Variants in NCOA1 observed in about 807,000 individuals in gnomAD.
NCOA1 encodes the protein Hin-2 protein.
In NCOA1, 35 loss-of-function variants were observed where a neutral mutation model predicts 150.9. The observed-to-expected ratio is 0.23, with a 90% CI of 0.18 to 0.31. The LOEUF is 0.31. NCOA1 is among the 10% of genes least tolerant of loss of function. The probability of loss-of-function intolerance (pLI) is 1.00; values close to 1 mark genes in which losing one functional copy is unlikely to be tolerated. For synonymous variants in NCOA1, 590 were observed against 630.0 expected (o/e 0.94, Z 0.95); for missense variants, 1,491 against 1,749.3 (o/e 0.85, Z 2.63).
At chr2:24,655,830 T>C (rs950320502) in intron 4 of NCOA1, among the ~76,000 whole-genome samples, 5 of 152,166 alleles carry the variant, frequency 3.3e-5, no homozygotes, top group African/African-American at 1.2e-4. Context: ...GGCTCACGCC[T>C]GTAATCCCAG....
intron 4 of NCOA1, among the ~76,000 whole-genome samples, chr2:24,657,626 C>T (rs1453161534): frequency 6.6e-6 from 1 of 152,122 alleles, no homozygotes; most frequent in African/African-American, 2.4e-5. Flanking sequence ...GAAGCAGAGT[C>T]AGTTTTAAGA....
intron 3 of NCOA1, among the ~76,000 whole-genome samples, chr2:24,638,671 A>G (rs1670049758): frequency 6.6e-6 from 1 of 152,044 alleles, no homozygotes; most frequent in Non-Finnish European, 1.5e-5. Flanking sequence ...TGTCTTTTTG[A>G]TAATAGCTAT....
chr2:24,547,988 CAAAA>C (rs34669959), intron 1 of NCOA1, among the ~76,000 whole-genome samples: 2 of 74,938 alleles, frequency 2.7e-5, no homozygotes, highest in Non-Finnish European at 4.8e-5. Context: ...GACTCTGTCT[CAAAA>C]AAAAAAAAAA....
intron 15 of NCOA1, 92 bp downstream of exon 15, chr2:24,726,798 G>A: frequency 1.7e-6 from 1 of 583,762 alleles, no homozygotes; most frequent in Admixed American, 3.6e-5. Flanking sequence ...GTCTACAGTG[G>A]TATTTTGTGA....
At chr2:24,582,096 G>A (rs1258594539) in intron 2 of NCOA1, among the ~76,000 whole-genome samples, 1 of 152,164 alleles carries the variant, frequency 6.6e-6, no homozygotes, top group Non-Finnish European at 1.5e-5. Context: ...AGTACTGGAA[G>A]TCTTAGCCAG....
At chr2:24,693,639 A>C (rs1316487669) in intron 10 of NCOA1, among the ~76,000 whole-genome samples, 1 of 152,180 alleles carries the variant, frequency 6.6e-6, no homozygotes, top group Non-Finnish European at 1.5e-5. Context: ...AATTGAGAAG[A>C]TATAGATATG....
At chr2:24,650,368 G>A (rs2148476055) in intron 4 of NCOA1, among the ~76,000 whole-genome samples, 1 of 152,224 alleles carries the variant, frequency 6.6e-6, no homozygotes, top group South Asian at 2.1e-4. Flanking sequence ...AGTAGTATCT[G>A]TCCCTAAGGG....
At chr2:24,622,223 T>TA (rs1326345151) in intron 3 of NCOA1, among the ~76,000 whole-genome samples, 3 of 152,162 alleles carry the variant, frequency 2.0e-5, no homozygotes, top group Non-Finnish European at 4.4e-5. Flanking sequence ...GCCACAATGG[T>TA]AAAAAATAAT....
chr2:24,725,328 C>A (rs1558317228), intron 14 of NCOA1, among the ~76,000 whole-genome samples: 1 of 152,128 alleles, frequency 6.6e-6, no homozygotes, highest in Non-Finnish European at 1.5e-5. Flanking sequence ...TCTCACAATT[C>A]TGGAAGCCTA....
chr2:24,676,004 C>G (rs1342167175), intron 7 of NCOA1, among the ~76,000 whole-genome samples: 1 of 152,228 alleles, frequency 6.6e-6, no homozygotes, highest in Non-Finnish European at 1.5e-5. Context: ...GCTTCTCTTT[C>G]AATACATCCT....
intron 3 of NCOA1, among the ~76,000 whole-genome samples, chr2:24,606,695 T>G (rs1668386207): frequency 6.6e-6 from 1 of 152,208 alleles, no homozygotes; most frequent in Admixed American, 6.5e-5. Context: ...AAATACCATG[T>G]TATATGAGTA....
intron 1 of NCOA1, among the ~76,000 whole-genome samples, chr2:24,555,449 T>C (rs1666032956): frequency 6.6e-6 from 1 of 152,220 alleles, no homozygotes; most frequent in South Asian, 2.1e-4. Context: ...TGTAGAGTGT[T>C]CTGTAAATGT....
At chr2:24,710,906 C>T (rs1673717230) in intron 13 of NCOA1, 25 bp from the exon 14 acceptor site, 2 of 1,607,484 alleles carry the variant, frequency 1.2e-6, no homozygotes, top group Non-Finnish European at 1.7e-6. Context: ...AATATATTTC[C>T]TCTAACTTTG....
intron 10 of NCOA1, among the ~76,000 whole-genome samples, chr2:24,696,427 AGACCACAAT>A (rs1558294445): frequency 1.3e-5 from 2 of 152,314 alleles, no homozygotes; most frequent in South Asian, 4.1e-4. Context: ...ATAAAAATTT[AGACCACAAT>A]GAGATAGCAT....
At chr2:24,645,319 G>A (rs868233155) in intron 4 of NCOA1, among the ~76,000 whole-genome samples, 5 of 145,788 alleles carry the variant, frequency 3.4e-5, no homozygotes, top group Admixed American at 1.4e-4. Context: ...GTGAAACCCC[G>A]TCTCTACTAA....
In NCOA1 at chr2:24,642,337, T is replaced by A. The variant is rs56737439; in HGVS notation, c.-174-1629T>A. Among the ~76,000 whole-genome samples, 1,435 of 148,244 alleles carry A rather than the reference T, an allele frequency of 9.7e-3. 24 individuals are homozygous for A. Among genetic ancestry groups the A allele is most frequent in the African/African-American group, 0.034 (1,381 of 40,608 alleles). ...TATATAAATATATATATATATATATTTTTTAAAATCTTTAAACATATTTAT... is the reference window on the plus strand; with the variant it reads ...TATATAAATATATATATATATATATATTTTAAAATCTTTAAACATATTTAT... On this transcript the variant is annotated intron_variant, in intron 3 of 22. Coordinates refer to ENST00000348332, the MANE Select transcript of NCOA1 (RefSeq NM_003743.5).
At chr2:24,531,614 G>A (rs1210323178) in intron 1 of NCOA1, among the ~76,000 whole-genome samples, 1 of 151,922 alleles carries the variant, frequency 6.6e-6, no homozygotes, top group African/African-American at 2.4e-5. Context: ...CCAGCCTCCC[G>A]CCCCCTGATA....
At chr2:24,747,090 A>ACAACAG (rs1663962516) in intron 19 of NCOA1, among the ~76,000 whole-genome samples, 1 of 152,036 alleles carries the variant, frequency 6.6e-6, no homozygotes, top group South Asian at 2.1e-4. Context: ...AACACTAAAA[A>ACAACAG]CAACAGCAAC....
intron 14 of NCOA1, among the ~76,000 whole-genome samples, chr2:24,725,329 T>G (rs1173091841): frequency 6.6e-6 from 1 of 152,198 alleles, no homozygotes; most frequent in Non-Finnish European, 1.5e-5. Context: ...CTCACAATTC[T>G]GGAAGCCTAA....
Sources: allele counts gnomAD v4.1 joint callset (sites outside exome capture counted in the v4.1 genomes callset), GRCh38; gene constraint gnomAD v4.1.1; transcripts MANE v1.5; gene names NCBI Gene and HGNC (gene_info 2026-07-23, HGNC 2026-07-21).